The following IRGM variants were observed in gnomAD, a reference collection of about 807,000 sequenced individuals.
IRGM encodes the protein immunity-related GTPase family M protein.
For synonymous variants in IRGM, 98 were observed against 80.6 expected (o/e 1.22, Z -1.16); for missense variants, 288 against 219.9 (o/e 1.31, Z -1.96).
rs572817179 is a variant in IRGM at position 150,870,513 on chromosome 5, T to G, written c.159-7467T>G. Among the ~76,000 whole-genome samples the G allele has an allele frequency of 5.8e-3, 817 of 141,734 alleles. 4 individuals carry two copies. The highest frequency in any genetic ancestry group is 7.5e-3 in the Non-Finnish European group (508 of 67,682). The allele number at this position is 141,734 out of a possible 152,430, so 93.0% of individuals were successfully genotyped here. On this transcript the variant is annotated intron_variant and NMD_transcript_variant, in intron 1 of 3. Coordinates refer to the IRGM transcript ENST00000520549. ...TTTTATTTTGCTATACAACTCCTTT[T>G]TTTTTTTTTTTTTTGGAGTTTTACT...
chr5:150,886,687 T>C lies in IRGM; in HGVS notation c.*140+7041T>C, dbSNP rs80006999. Among the ~76,000 whole-genome samples the C allele has an allele frequency of 8.1e-3, 1,232 of 152,178 alleles. 13 individuals are homozygous for C. The highest frequency in any genetic ancestry group is 0.041 in the Middle Eastern group (12 of 294). ...TCTAGGATATTTTAGTTTGTGTGCA[T>C]AGAGATGTTCAAAGTAGTTTCTGAT... On this transcript the variant is annotated intron_variant and NMD_transcript_variant, in intron 3 of 3. Coordinates refer to the IRGM transcript ENST00000520549.
chr5:150,885,552 G>A (rs1193553695), intron 3 of IRGM, among the ~76,000 whole-genome samples: 1 of 151,962 alleles, frequency 6.6e-6, no homozygotes, highest in African/African-American at 2.4e-5. Context: ...CATGAGCATG[G>A]GATGTTTTTC....
At chr5:150,900,469 T>C (rs968341237) in intron 3 of IRGM, 1 of 152,152 alleles carries the variant, frequency 6.6e-6, no homozygotes, top group Non-Finnish European at 1.5e-5. Flanking sequence ...CTCTCTGCTA[T>C]AACAGTACCT....
At chr5:150,899,897 CA>C (rs1754932460) in intron 3 of IRGM, among the ~76,000 whole-genome samples, 2 of 152,086 alleles carry the variant, frequency 1.3e-5, no homozygotes, top group Non-Finnish European at 2.9e-5. Context: ...ATGATTATTT[CA>C]AATGTCAACA....
downstream of IRGM, among the ~76,000 whole-genome samples, chr5:150,902,050 T>C (rs1048936469): frequency 1.3e-5 from 2 of 152,106 alleles, no homozygotes; most frequent in Non-Finnish European, 2.9e-5. Context: ...TCAAAAAAGG[T>C]TTGGAAGGTT....
chr5:150,853,016 G>A (rs1753997708), downstream of IRGM, among the ~76,000 whole-genome samples: 2 of 151,862 alleles, frequency 1.3e-5, no homozygotes, highest in Admixed American at 1.3e-4. Context: ...TATTCTTCTA[G>A]TGCCTTAAAA....
chr5:150,896,524 T>C, intron 3 of IRGM: 2 of 1,613,730 alleles, frequency 1.2e-6, no homozygotes, highest in East Asian at 4.5e-5. Context: ...TCAAAAGGTA[T>C]TACTCCATTG....
At chr5:150,877,357 C>A (rs142576316) in intron 1 of IRGM, among the ~76,000 whole-genome samples, 2 of 152,134 alleles carry the variant, frequency 1.3e-5, no homozygotes, top group Admixed American at 1.3e-4. Flanking sequence ...GGCAGAAGAA[C>A]GTGGGAAGAC....
At chr5:150,898,934 T>C (rs1286221364) in intron 3 of IRGM, among the ~76,000 whole-genome samples, 1 of 152,008 alleles carries the variant, frequency 6.6e-6, no homozygotes, top group East Asian at 1.9e-4. Context: ...TACCTCAAAA[T>C]GTGATATGAC....
intron 3 of IRGM, chr5:150,894,874 A>C (rs1234832710): frequency 6.6e-6 from 1 of 152,332 alleles, no homozygotes; most frequent in African/African-American, 2.4e-5. Context: ...CCAGAGATGC[A>C]GGTCAACTTA....
intron 1 of IRGM, among the ~76,000 whole-genome samples, chr5:150,862,722 T>C (rs1177506965): frequency 6.6e-6 from 1 of 152,180 alleles, no homozygotes; most frequent in East Asian, 1.9e-4. Context: ...AGGAAGGTTT[T>C]TAACTGCAGT....
intron 3 of IRGM, among the ~76,000 whole-genome samples, chr5:150,880,763 A>G (rs1365650015): frequency 6.6e-6 from 1 of 152,256 alleles, no homozygotes; most frequent in Non-Finnish European, 1.5e-5. Context: ...ATGGAAGTTA[A>G]TCATCACTGA....
At chr5:150,864,733 G>T (rs1754181712) in intron 1 of IRGM, among the ~76,000 whole-genome samples, 1 of 152,194 alleles carries the variant, frequency 6.6e-6, no homozygotes, top group Non-Finnish European at 1.5e-5. Context: ...CTCCTATTCT[G>T]TACATTGGCT....
chr5:150,875,506 A>C lies in IRGM; in HGVS notation c.159-2474A>C, dbSNP rs146036694. 6.6e-3 allele frequency among the ~76,000 whole-genome samples: 1,008 copies of C among 152,316 alleles called. 12 individuals carry two copies. Among genetic ancestry groups the C allele is most frequent in the African/African-American group, 0.023 (964 of 41,570 alleles). Reference sequence around the variant, plus strand: ...GGATGGACCTCTCTGAGTGGTCAAAAACTGTGACATTTGTATCCCATGTGA... The same window carrying C: ...GGATGGACCTCTCTGAGTGGTCAAACACTGTGACATTTGTATCCCATGTGA... On this transcript the variant is annotated intron_variant and NMD_transcript_variant, in intron 1 of 3. Coordinates refer to the IRGM transcript ENST00000520549.
At chr5:150,895,233 A>T in intron 3 of IRGM, 1 of 502,220 alleles carries the variant, frequency 2.0e-6, no homozygotes, top group East Asian at 3.0e-5. Context: ...TGCCATATTA[A>T]AAATGTTCTT....
intron 2 of IRGM, among the ~76,000 whole-genome samples, chr5:150,878,519 T>C (rs1754399191): frequency 1.3e-5 from 2 of 152,064 alleles, no homozygotes; most frequent in South Asian, 2.1e-4. Context: ...TTTTTTGCCA[T>C]ATTACTTTCC....
chr5:150,847,521 G>A (rs973716611), intron 1 of IRGM, 188 bp from the exon 2 acceptor site: 1 of 152,764 alleles, frequency 6.5e-6, no homozygotes, highest in Admixed American at 6.5e-5. Context: ...CGGCCTCAGG[G>A]CGTTCCTCAG....
chr5:150,896,302 C>G, intron 3 of IRGM: 2 of 1,613,522 alleles, frequency 1.2e-6, no homozygotes, highest in African/African-American at 1.3e-5. Context: ...TGATGTACAA[C>G]AAGATGAAAC....
intron 3 of IRGM, chr5:150,897,060 A>C: frequency 9.5e-7 from 1 of 1,052,042 alleles, no homozygotes; most frequent in Non-Finnish European, 1.4e-6. Context: ...GATCCAACAT[A>C]GTAGATGAAC....
Sources: gnomAD v4.1 joint callset for allele counts (sites outside exome capture counted in the v4.1 genomes callset) on GRCh38, gnomAD v4.1.1 for gene constraint, MANE v1.5 for transcripts, NCBI Gene and HGNC (gene_info 2026-07-23, HGNC 2026-07-21) for gene names.